The following ZGRF1 variants were observed in gnomAD, a reference collection of about 807,000 sequenced individuals.
The protein encoded by ZGRF1 is 5'-3' DNA helicase ZGRF1.
In ZGRF1, 196 loss-of-function variants were observed where a neutral mutation model predicts 203.5. The observed-to-expected ratio is 0.96, with a 90% confidence interval of 0.86 to 1.08. ZGRF1 has a LOEUF of 1.08. Ranked by LOEUF, ZGRF1 falls within the 50% of genes least tolerant of loss-of-function variation. The pLI is 0.00. For missense variants in ZGRF1, 2,326 were observed against 2,416.3 expected (o/e 0.96, Z 0.78); for synonymous variants, 809 against 841.3 (o/e 0.96, Z 0.66).
Position 112,618,343 on chromosome 4 carries a change from C to G in ZGRF1, c.1699G>C (p.Asp567His), listed in dbSNP as rs2046954262. 1 of 1,613,700 alleles carries G rather than the reference C, an allele frequency of 6.2e-7. No individual in the cohort carries two copies. Among genetic ancestry groups the G allele is most frequent in the Admixed American group, 1.7e-5 (1 of 59,978 alleles). The part of the protein sequence containing the change: ...ESWVKDILVN[D>H]GNSCFQKRSE... ...CTCTTTTGAAAACATGAATTGCCATCATTAACCAAAATGTCCTTTACCCAA... is the reference window on the plus strand; with the variant it reads ...CTCTTTTGAAAACATGAATTGCCATGATTAACCAAAATGTCCTTTACCCAA... Residue 567 changes from aspartate to histidine, a missense_variant, in exon 6 of 28, where the codon GAT (aspartate) becomes CAT (histidine). By Grantham distance (81) the Asp-to-His change is moderately conservative (BLOSUM62 -1). Transcript: ENST00000505019.
rs1747389383 is a variant in ZGRF1, at chr4:112,587,491, C to T, written c.3566G>A (p.Ser1189Asn). 2 of 1,613,932 alleles carry T rather than the reference C, an allele frequency of 1.2e-6. No homozygotes were observed. The highest frequency in any genetic ancestry group is 1.7e-6 in the Non-Finnish European group (2 of 1,179,856). ...MHFRDTSERQ[S>N]DAVNESSLDS... ...TAAAGAGCTTTCATTGACAGCATCA[C>T]TCTGTCTTTCACTTGTGTCTCTAAA... is the stretch of plus-strand genomic sequence containing the variant. The change falls in exon 12 of 28, where the codon AGT becomes AAT. Residue 1189 changes from serine to asparagine, a missense_variant. Physicochemically the swap from Ser to Asn is conservative, Grantham distance 46 (BLOSUM62 1). Transcript: ENST00000505019.
At chr4:112,571,415 G>A (rs997367003) in intron 16 of ZGRF1, among the ~76,000 whole-genome samples, 2 of 151,848 alleles carry the variant, frequency 1.3e-5, no homozygotes, top group African/African-American at 4.8e-5. Context: ...ACAATACAAT[G>A]GTATCAGAGA....
rs1455165349 is a variant in ZGRF1 at position 112,618,793 on chromosome 4, C to G, written c.1249G>C (p.Val417Leu). The G allele has an allele frequency of 3.7e-6, 6 of 1,612,478 alleles. No individual in the cohort carries two copies. Among genetic ancestry groups the G allele is most frequent in the Non-Finnish European group, 5.1e-6 (6 of 1,179,668 alleles). The change falls in exon 6 of 28, where the codon GTT becomes CTT. Residue 417 changes from valine to leucine, a missense_variant. Transcript: ENST00000505019. ...PSFNESSSLQ[V>L]TCSSAENDGI... ...TCATTTTCTGCACTGCTACAAGTAA[C>G]CTGTAAGCTACTGCTTTCATTGAAT...
At chr4:112,546,385 CT>C (rs1412718202) in intron 24 of ZGRF1, among the ~76,000 whole-genome samples, 1 of 151,944 alleles carries the variant, frequency 6.6e-6, no homozygotes, top group Non-Finnish European at 1.5e-5. Flanking sequence ...AAACTGTTCA[CT>C]TTAAAATAGT....
intron 8 of ZGRF1, among the ~76,000 whole-genome samples, chr4:112,606,847 A>G (rs1048526651): frequency 6.6e-6 from 1 of 152,210 alleles, no homozygotes; most frequent in Non-Finnish European, 1.5e-5. Context: ...CACGATACTG[A>G]CAACAGCAAC....
intron 16 of ZGRF1, among the ~76,000 whole-genome samples, chr4:112,572,204 A>T (rs1166177345): frequency 6.6e-6 from 1 of 152,230 alleles, no homozygotes; most frequent in Non-Finnish European, 1.5e-5. Flanking sequence ...AAAAACAGGC[A>T]CACAAACCAA....
chr4:112,555,989 T>A (rs963018170), intron 20 of ZGRF1, among the ~76,000 whole-genome samples: 1 of 152,160 alleles, frequency 6.6e-6, no homozygotes, highest in Non-Finnish European at 1.5e-5. Context: ...CAGTCTACAG[T>A]TAAATTTTCA....
At chr4:112,564,836 G>T (rs1742700896) in intron 16 of ZGRF1, among the ~76,000 whole-genome samples, 1 of 152,174 alleles carries the variant, frequency 6.6e-6, no homozygotes, top group African/African-American at 2.4e-5. Context: ...CTGCACAAAA[G>T]TTTCCTTCGA....
intron 10 of ZGRF1, among the ~76,000 whole-genome samples, chr4:112,599,734 G>A (rs1316287236): frequency 6.6e-6 from 1 of 151,716 alleles, no homozygotes; most frequent in Non-Finnish European, 1.5e-5. Flanking sequence ...AAAAAAGGAA[G>A]AAAGAAAGAA....
Position 112,583,991 on chromosome 4 carries a change from G to T in ZGRF1, c.4285C>A (p.Gln1429Lys), listed in dbSNP as rs1399899848. Residue 1429 changes from glutamine (Q) to lysine (K), a missense_variant, in exon 15 of 28, where the codon CAG becomes AAG. By Grantham distance (53) the Gln-to-Lys change is moderately conservative. Coordinates refer to ENST00000505019, the MANE Select transcript of ZGRF1 (RefSeq NM_018392.5). ...TATAAAACATACCTCACCAAAAGCTGGCATTCCTCATAAAGTGGTATCTTT... is the reference window on the plus strand; with the variant it reads ...TATAAAACATACCTCACCAAAAGCTTGCATTCCTCATAAAGTGGTATCTTT... ...SQKIPLYEEC[Q>K]LLVRKGFDFQ... 1 of 1,599,194 alleles carries T rather than the reference G, an allele frequency of 6.3e-7. No homozygotes were observed. Among genetic ancestry groups the T allele is most frequent in the Admixed American group, 1.8e-5 (1 of 56,766 alleles).
chr4:112,572,884 T>G (rs780305271), intron 16 of ZGRF1, among the ~76,000 whole-genome samples: 1 of 152,064 alleles, frequency 6.6e-6, no homozygotes, highest in East Asian at 1.9e-4. Flanking sequence ...ATGGCCATAA[T>G]CAAAAAATCA....
At chr4:112,554,603 C>A in intron 21 of ZGRF1, 102 bp downstream of exon 21, 1 of 648,792 alleles carries the variant, frequency 1.5e-6, no homozygotes, top group Non-Finnish European at 2.8e-6. Flanking sequence ...TAAAGATAAG[C>A]CTTTCTCCAT....
In ZGRF1 at chr4:112,577,342, C is replaced by T. The variant is rs1162639406; in HGVS notation, c.4438+4321G>A. Among the ~76,000 whole-genome samples, 4 of 122,690 alleles carry T rather than the reference C, an allele frequency of 3.3e-5. 1 individual carries two copies. The highest frequency in any genetic ancestry group is 5.4e-5 in the Non-Finnish European group (3 of 55,072). The allele number at this position is 122,690 out of a possible 152,430, so 80.5% of individuals were successfully genotyped here. ...CAAAAACATGCCAAATTGTAAAGCC[C>T]GTCGACGCTAGGAAGAAACTGCATC... is the stretch of plus-strand genomic sequence containing the variant. On this transcript the variant is annotated intron_variant, in intron 16 of 27. Coordinates refer to ENST00000505019, the MANE Select transcript of ZGRF1 (RefSeq NM_018392.5).
intron 3 of ZGRF1, chr4:112,628,862 AG>A (rs776111126): frequency 6.9e-6 from 3 of 432,058 alleles, no homozygotes; most frequent in African/African-American, 2.1e-5. Flanking sequence ...CTAAAGAAAA[AG>A]GCAGAATATA....
Position 112,587,886 on chromosome 4 carries a change from C to T in ZGRF1, c.3171G>A (p.Arg1057=). The T allele has an allele frequency of 6.5e-7, 1 of 1,544,856 alleles. No individual in the cohort carries two copies. Among genetic ancestry groups the T allele is most frequent in the Non-Finnish European group, 8.7e-7 (1 of 1,145,266 alleles). The change falls in exon 12 of 28, where the codon AGG becomes AGA. Residue 1057 remains arginine (R), a synonymous_variant. Coordinates refer to ENST00000505019, the MANE Select transcript of ZGRF1 (RefSeq NM_018392.5). ...CCTGGGTTCTACTTAATAATGAAAG[C>T]CTTTGAAGGTTCTCATTCTCCAGAG... is the stretch of plus-strand genomic sequence containing the variant. ...SRSLENENLQ[R]LSLLSRTQVP...
chr4:112,593,741 G>A (rs1317343805), intron 10 of ZGRF1, among the ~76,000 whole-genome samples: 1 of 152,106 alleles, frequency 6.6e-6, no homozygotes, highest in Non-Finnish European at 1.5e-5. Context: ...TGCCAATGCT[G>A]GAGAAGCCCT....
intron 24 of ZGRF1, among the ~76,000 whole-genome samples, chr4:112,543,651 G>A (rs1300023605): frequency 6.6e-6 from 1 of 152,146 alleles, no homozygotes; most frequent in Non-Finnish European, 1.5e-5. Flanking sequence ...AAAATGTTAT[G>A]TATTTGCTTA....
chr4:112,562,614 AAC>A lies in ZGRF1; in HGVS notation c.4583-131_4583-130del, dbSNP rs59299023. ...GCACATGACATAAAACAAACCCTTAAACACACACAGAGATCCCAAACTTATAT... is the reference window on the plus strand; with the variant it reads ...GCACATGACATAAAACAAACCCTTAAACACACAGAGATCCCAAACTTATAT... On this transcript the variant is annotated intron_variant, in intron 17 of 27. Coordinates refer to ENST00000505019, the MANE Select transcript of ZGRF1 (RefSeq NM_018392.5). 1.4e-3 allele frequency: 861 copies of A among 612,102 alleles called. 6 individuals are homozygous for A. Among genetic ancestry groups the A allele is most frequent in the African/African-American group, 0.013 (730 of 54,316 alleles). 37.9% of individuals were successfully genotyped at this position (612,102 alleles called of 1,614,324 possible). A position where few individuals can be genotyped will look rare whatever the true frequency, so the allele number is the denominator to read the frequency against.
At chr4:112,625,346 G>A (rs2047200401) in intron 3 of ZGRF1, among the ~76,000 whole-genome samples, 2 of 151,888 alleles carry the variant, frequency 1.3e-5, no homozygotes, top group Admixed American at 6.6e-5. Flanking sequence ...CAGCACTTTG[G>A]GAGGCCGAGG....
Sources: gnomAD v4.1 joint callset for allele counts (sites outside exome capture counted in the v4.1 genomes callset) on GRCh38, gnomAD v4.1.1 for gene constraint, MANE v1.5 for transcripts, NCBI Gene and HGNC (gene_info 2026-07-23, HGNC 2026-07-21) for gene names.